NFX1: variants seen among roughly 807,000 people sequenced by gnomAD.
NFX1 encodes nuclear transcription factor, X-box binding 1, also known as transcriptional repressor NF-X1.
NFX1 carries 69 observed loss-of-function variants against 137.2 expected under a neutral mutation model. The ratio of observed to expected loss-of-function variants is 0.50; its 90% CI spans 0.41 to 0.61. The LOEUF is 0.61. NFX1 is among the 20% of genes least tolerant of loss of function. NFX1 has a pLI of 0.00. For synonymous variants in NFX1, 495 were observed against 474.1 expected, an observed-to-expected ratio of 1.04 and a Z score of -0.57; for missense variants, 1,167 against 1,391.0, an observed-to-expected ratio of 0.84 and a Z score of 2.56.
intron 14 of NFX1, among the ~76,000 whole-genome samples, chr9:33,345,101 G>C (rs1056024496): frequency 6.6e-6 from 1 of 152,112 alleles, no homozygotes; most frequent in African/African-American, 2.4e-5. Context: ...GGCAGAGGTT[G>C]CAGTGAGCCA....
chr9:33,357,773 T>C (rs1823860652), intron 19 of NFX1, among the ~76,000 whole-genome samples: 1 of 151,788 alleles, frequency 6.6e-6, no homozygotes, highest in Non-Finnish European at 1.5e-5. Flanking sequence ...CTCAAACTTC[T>C]GGCTCAAGCG....
intron 19 of NFX1, among the ~76,000 whole-genome samples, chr9:33,358,772 C>T (rs960181140): frequency 2.0e-5 from 3 of 150,404 alleles, no homozygotes; most frequent in Non-Finnish European, 2.9e-5. Flanking sequence ...AAGTGATCCT[C>T]CCACCTCACC....
chr9:33,364,984 C>T (rs1391441549), intron 21 of NFX1: 1 of 1,370,406 alleles, frequency 7.3e-7, no homozygotes, highest in Non-Finnish European at 9.4e-7. Flanking sequence ...CAGAAAAGAT[C>T]TACAGTCGGC....
intron 1 of NFX1, among the ~76,000 whole-genome samples, chr9:33,292,124 G>C (rs965174906): frequency 6.6e-6 from 1 of 152,142 alleles, no homozygotes; most frequent in Non-Finnish European, 1.5e-5. Flanking sequence ...GAATTCGGTG[G>C]GGCCTAGTTG....
intron 15 of NFX1, among the ~76,000 whole-genome samples, chr9:33,350,692 T>A (rs905861579): frequency 6.6e-6 from 1 of 152,188 alleles, no homozygotes; most frequent in Non-Finnish European, 1.5e-5. Context: ...AGAGCTTTTT[T>A]AAAAATACAG....
intron 11 of NFX1, among the ~76,000 whole-genome samples, chr9:33,335,472 A>C (rs1293282624): frequency 6.6e-6 from 1 of 151,952 alleles, no homozygotes; most frequent in Non-Finnish European, 1.5e-5. Context: ...GCCTCATGTA[A>C]TCCGCCTGCC....
intron 15 of NFX1, chr9:33,348,724 GAA>G: frequency 1.0e-6 from 1 of 981,034 alleles, no homozygotes; most frequent in Non-Finnish European, 1.2e-6. Context: ...AGTCCAATAA[GAA>G]ATGCATATTT....
At chr9:33,361,153 C>T (rs1823974040) in intron 19 of NFX1, among the ~76,000 whole-genome samples, 1 of 151,960 alleles carries the variant, frequency 6.6e-6, no homozygotes, top group African/African-American at 2.4e-5. Flanking sequence ...AACTGAGGAA[C>T]TGTTAAAGAA....
chr9:33,342,655 G>A (rs761052925), intron 12 of NFX1, 91 bp from the exon 13 acceptor site: 1 of 848,762 alleles, frequency 1.2e-6, no homozygotes, highest in Non-Finnish European at 1.8e-6. Flanking sequence ...CCATAAATGT[G>A]TAGAGCTTTG....
chr9:33,347,129 C>G lies in NFX1; in HGVS notation c.2424+12C>G. On this transcript the variant is annotated intron_variant, in intron 15 of 23. Coordinates refer to ENST00000379540, the MANE Select transcript of NFX1 (RefSeq NM_002504.6). ...TGGGCAAGCATGAGGTAAGTTTTCT[C>G]TCTCAAGTGCTCATTGTTCCAGGCA... 1 of 1,589,910 alleles carries G rather than the reference C, an allele frequency of 6.3e-7. No individual in the cohort carries two copies. The highest frequency in any genetic ancestry group is 1.1e-5 in the South Asian group (1 of 89,988).
chr9:33,295,878 C>G (rs1411083110), intron 2 of NFX1, among the ~76,000 whole-genome samples: 1 of 152,196 alleles, frequency 6.6e-6, no homozygotes, highest in Non-Finnish European at 1.5e-5. Context: ...TAATTTCTCT[C>G]TTTCAGTTCA....
chr9:33,298,790 A>G (rs1331660793), intron 2 of NFX1, among the ~76,000 whole-genome samples: 2 of 152,186 alleles, frequency 1.3e-5, no homozygotes, highest in Admixed American at 1.3e-4. Flanking sequence ...TCTCAAAAAA[A>G]AAAATATTAT....
intron 2 of NFX1, 130 bp from the exon 3 acceptor site, chr9:33,301,133 T>G (rs1821547512): frequency 1.2e-6 from 1 of 832,930 alleles, no homozygotes; most frequent in Middle Eastern, 3.8e-4. Flanking sequence ...TTACCCAGAA[T>G]CAGATATCCC....
At chr9:33,295,843 G>C (rs1821335829) in intron 2 of NFX1, among the ~76,000 whole-genome samples, 3 of 152,182 alleles carry the variant, frequency 2.0e-5, no homozygotes, top group Admixed American at 6.5e-5. Flanking sequence ...AGTTGCAGCA[G>C]TTCCTAACTG....
rs1421767401 is a variant in NFX1, at chr9:33,352,654, A to G, written c.2664A>G (p.Leu888=). The G allele has an allele frequency of 1.9e-6, 3 of 1,614,006 alleles. No individual in the cohort carries two copies. Among genetic ancestry groups the G allele is most frequent in the African/African-American group, 2.7e-5 (2 of 74,936 alleles). The part of the protein sequence containing the change: ...PVTACKAKVE[L]QCECGRRKEM... ...TGTTCATCTGACTTCAGGTAGAGCT[A>G]CAGTGTGAATGTGGACGAAGAAAAG... The change falls in exon 17 of 24, where the codon CTA becomes CTG. Residue 888 remains leucine, a synonymous_variant. Transcript: ENST00000379540.
chr9:33,328,814 A>G (rs2292243), intron 10 of NFX1, 136 bp downstream of exon 10: 74,417 of 626,872 alleles, frequency 0.12, 4,924 homozygotes, highest in South Asian at 0.17. Context: ...CCAGAGGCCT[A>G]TAGTGGGATA....
chr9:33,360,643 A>C (rs1823959068), intron 19 of NFX1, among the ~76,000 whole-genome samples: 1 of 152,130 alleles, frequency 6.6e-6, no homozygotes, highest in Non-Finnish European at 1.5e-5. Context: ...ACACGCATAC[A>C]CCTGTGTGTA....
At chr9:33,302,966 C>A (rs1821626852) in intron 3 of NFX1, among the ~76,000 whole-genome samples, 1 of 142,968 alleles carries the variant, frequency 7.0e-6, no homozygotes, top group Non-Finnish European at 1.5e-5. Flanking sequence ...CCACACCTGG[C>A]CTTTTTTTTT....
At chr9:33,308,019 G>C (rs1272247532) in intron 5 of NFX1, among the ~76,000 whole-genome samples, 1 of 151,796 alleles carries the variant, frequency 6.6e-6, no homozygotes, top group Non-Finnish European at 1.5e-5. Context: ...TGCCCAGGTT[G>C]GTCTCGAACT....
Sources: gnomAD v4.1 joint callset for allele counts (sites outside exome capture counted in the v4.1 genomes callset) on GRCh38, gnomAD v4.1.1 for gene constraint, MANE v1.5 for transcripts, NCBI Gene and HGNC (gene_info 2026-07-23, HGNC 2026-07-21) for gene names.